Variants in NADK2 observed in about 807,000 individuals in gnomAD.
NADK2 encodes the protein NAD kinase 2, mitochondrial.
NADK2 carries 35 observed loss-of-function variants against 62.1 expected under a neutral mutation model. The observed-to-expected ratio is 0.56, with a 90% CI of 0.43 to 0.75. The LOEUF is 0.75. Among genes scored for constraint, NADK2 ranks in the 30% least tolerant of loss-of-function variants. The pLI is 0.00. For synonymous variants in NADK2, 205 were observed against 207.9 expected (o/e 0.99, Z 0.12); for missense variants, 439 against 561.3 (o/e 0.78, Z 2.20).
chr5:36,229,539 C>T (rs186665234), intron 1 of NADK2, among the ~76,000 whole-genome samples: 33 of 151,944 alleles, frequency 2.2e-4, no homozygotes, highest in African/African-American at 7.5e-4. Flanking sequence ...ACTATCATTA[C>T]CCAGCTACAG....
intron 6 of NADK2, among the ~76,000 whole-genome samples, chr5:36,215,657 C>A (rs1055005609): frequency 6.6e-6 from 1 of 152,152 alleles, no homozygotes; most frequent in African/African-American, 2.4e-5. Context: ...TTCATGAGAT[C>A]AACTTTTTCA....
At chr5:36,207,370 G>A in intron 7 of NADK2, 105 bp from the exon 8 acceptor site, 1 of 740,924 alleles carries the variant, frequency 1.3e-6, no homozygotes, top group East Asian at 2.6e-5. Context: ...GCTTACCCAA[G>A]AAATACTTGA....
At chr5:36,228,138 G>C (rs9292621) in intron 1 of NADK2, among the ~76,000 whole-genome samples, 7,688 of 152,150 alleles carry the variant, frequency 0.051, 418 homozygotes, top group South Asian at 0.22. Flanking sequence ...GGGCTGACTA[G>C]CTCCCTTAGA....
chr5:36,226,406 G>C (rs1747483985), intron 3 of NADK2, 69 bp downstream of exon 3: 2 of 1,221,130 alleles, frequency 1.6e-6, no homozygotes, highest in South Asian at 1.2e-5. Context: ...CTAGACCCTA[G>C]GGTATCTGGA....
At chr5:36,213,168 T>C (rs985873914) in intron 6 of NADK2, 2 of 152,168 alleles carry the variant, frequency 1.3e-5, no homozygotes, top group African/African-American at 4.8e-5. Context: ...AACAGCTTGA[T>C]TGTCACCTCC....
intron 4 of NADK2, 46 bp downstream of exon 4, chr5:36,225,496 A>G (rs1443007933): frequency 3.9e-6 from 6 of 1,529,512 alleles, no homozygotes; most frequent in Non-Finnish European, 5.4e-6. Context: ...AAAAACTTAA[A>G]AAGCACACCA....
chr5:36,205,607 A>T lies in NADK2; in HGVS notation c.956+1563T>A, dbSNP rs187501923. Reference sequence around the variant, plus strand: ...GAAAGTTATAAGGCAGAGAAGAGAGACAGATTTATCTACATTTTAGAAATA... The same window carrying T: ...GAAAGTTATAAGGCAGAGAAGAGAGTCAGATTTATCTACATTTTAGAAATA... On this transcript the variant is annotated intron_variant, in intron 8 of 11. Transcript: ENST00000381937. This position sits in a 1 kb window ranked among gnomAD's most constrained non-coding sequence, Gnocchi z 4.1. 2.0e-5 allele frequency among the ~76,000 whole-genome samples: 3 copies of T among 152,204 alleles called. No individual in the cohort carries two copies. Among genetic ancestry groups the T allele is most frequent in the Admixed American group, 1.3e-4 (2 of 15,252 alleles).
chr5:36,235,902 TATATAA>T (rs140944456), intron 1 of NADK2, among the ~76,000 whole-genome samples: 134,534 of 148,910 alleles, frequency 0.9, 61,699 homozygotes, highest in Non-Finnish European at 0.98. Flanking sequence ...TATATATATA[TATATAA>T]AAAATAAATT....
chr5:36,200,173 C>T, intron 10 of NADK2, 54 bp downstream of exon 10: 1 of 1,335,028 alleles, frequency 7.5e-7, no homozygotes, highest in South Asian at 1.6e-5. Flanking sequence ...CACTATCATC[C>T]TTAAAACTGA....
chr5:36,233,953 C>T (rs895422593), intron 1 of NADK2, among the ~76,000 whole-genome samples: 9 of 152,208 alleles, frequency 5.9e-5, no homozygotes, highest in African/African-American at 2.2e-4. Context: ...CTACTAAGTG[C>T]TGTTCAGGAA....
chr5:36,230,348 T>C (rs1383760439), intron 1 of NADK2, among the ~76,000 whole-genome samples: 1 of 152,240 alleles, frequency 6.6e-6, no homozygotes, highest in Non-Finnish European at 1.5e-5. Context: ...CCAGGACTGC[T>C]GAAACAGCTG....
chr5:36,234,318 A>G (rs1490381491), intron 1 of NADK2, among the ~76,000 whole-genome samples: 3 of 139,190 alleles, frequency 2.2e-5, no homozygotes, highest in Non-Finnish European at 4.6e-5. Context: ...GCTTGCAGTG[A>G]GTCGAGATCG....
In NADK2 at chr5:36,205,057, A is replaced by T. The variant is rs1366163306; in HGVS notation, c.956+2113T>A. On this transcript the variant is annotated intron_variant, in intron 8 of 11. Transcript: ENST00000381937. This position sits in a 1 kb window ranked among gnomAD's most constrained non-coding sequence, Gnocchi z 4.1. Reference sequence around the variant, plus strand: ...TTTAGCTATATACAATTGTGAGCATATAGTCATTTACTCAAAAAATATTTT... The same window carrying T: ...TTTAGCTATATACAATTGTGAGCATTTAGTCATTTACTCAAAAAATATTTT... 6.6e-6 allele frequency among the ~76,000 whole-genome samples: 1 copy of T among 152,088 alleles called. No homozygotes were observed. The highest frequency in any genetic ancestry group is 1.5e-5 in the Non-Finnish European group (1 of 67,988).
At chr5:36,195,899 A>G (rs552521909) in intron 11 of NADK2, among the ~76,000 whole-genome samples, 2 of 152,320 alleles carry the variant, frequency 1.3e-5, no homozygotes, top group South Asian at 4.1e-4. Context: ...GAAGAATATA[A>G]TATGCACAGT....
chr5:36,222,759 C>A (rs1186733959), intron 4 of NADK2, among the ~76,000 whole-genome samples: 1 of 152,118 alleles, frequency 6.6e-6, no homozygotes, highest in African/African-American at 2.4e-5. Context: ...AAGGGCTGAG[C>A]TATTTTTAGT....
chr5:36,202,998 T>C (rs934335818), intron 8 of NADK2, among the ~76,000 whole-genome samples: 6 of 151,992 alleles, frequency 3.9e-5, no homozygotes, highest in African/African-American at 1.4e-4. Context: ...AAGAATTCCA[T>C]ACAAGAAAAA....
Position 36,241,909 on chromosome 5 carries a change from G to T in NADK2, c.-111C>A. On this transcript the variant is annotated 5_prime_UTR_variant, in exon 1 of 12. Coordinates refer to ENST00000381937, the MANE Select transcript of NADK2 (RefSeq NM_001085411.3). This position sits in a 1 kb window ranked among gnomAD's most constrained non-coding sequence, Gnocchi z 4.9. ...CCGGGCCTCTAACTTCGCGCCGGAC[G>T]GGCAGAGGTTAAGTGCCAGGACGTG... 2 of 920,854 alleles carry T rather than the reference G, an allele frequency of 2.2e-6. No individual in the cohort carries two copies. Among genetic ancestry groups the T allele is most frequent in the African/African-American group, 1.8e-5 (1 of 56,350 alleles). The allele number at this position is 920,854 out of a possible 1,614,324, so 57.0% of individuals were successfully genotyped here.
Position 36,205,531 on chromosome 5 carries a change from T to C in NADK2, c.956+1639A>G, listed in dbSNP as rs1746603355. 6.6e-6 allele frequency among the ~76,000 whole-genome samples: 1 copy of C among 152,030 alleles called. No homozygotes were observed. The highest frequency in any genetic ancestry group is 1.9e-4 in the East Asian group (1 of 5,190). On this transcript the variant is annotated intron_variant, in intron 8 of 11. Coordinates refer to ENST00000381937, the MANE Select transcript of NADK2 (RefSeq NM_001085411.3). This position sits in a 1 kb window ranked among gnomAD's most constrained non-coding sequence, Gnocchi z 4.1. ...AAGGCCAATAAGATCGCTAAGGTCA[T>C]ATGTTAAAGGGCCTCAAATGACAGA...
intron 8 of NADK2, 38 bp from the exon 9 acceptor site, chr5:36,201,199 TA>T: frequency 6.5e-7 from 1 of 1,543,140 alleles, no homozygotes; most frequent in Non-Finnish European, 8.9e-7. Flanking sequence ...GTTTTAATTC[TA>T]AAAACATGCT....
Sources: gnomAD v4.1 joint callset for allele counts (sites outside exome capture counted in the v4.1 genomes callset) on GRCh38, gnomAD v4.1.1 for gene constraint, Gnocchi (gnomAD v3.1) non-coding constraint, MANE v1.5 for transcripts, NCBI Gene and HGNC (gene_info 2026-07-23, HGNC 2026-07-21) for gene names.